DPP6: variants seen among roughly 807,000 people sequenced by gnomAD.
The protein encoded by DPP6 is dipeptidyl peptidase like 6, also known as A-type potassium channel modulatory protein DPP6.
In DPP6, 69 loss-of-function variants were observed where a neutral mutation model predicts 122.6. The observed-to-expected ratio is 0.56, with a 90% CI of 0.46 to 0.69. DPP6 has a LOEUF of 0.69. Ranked by LOEUF, DPP6 falls within the 30% of genes least tolerant of loss-of-function variation. The pLI, the probability that DPP6 is intolerant of heterozygous loss-of-function variation, is 0.00. For synonymous variants in DPP6, 418 were observed against 433.1 expected, an observed-to-expected ratio of 0.97 and a Z score of 0.43; for missense variants, 928 against 1,116.9, an observed-to-expected ratio of 0.83 and a Z score of 2.41.
chr7:153,840,793 C>A, the DPP6 span, among the ~76,000 whole-genome samples: 5 of 152,184 alleles, frequency 3.3e-5, no homozygotes, highest in African/African-American at 1.2e-4. Flanking sequence ...AGTAACTGTT[C>A]ATCAAAAGGA....
intron 19 of DPP6, among the ~76,000 whole-genome samples, chr7:154,873,055 G>A (rs1367327767): frequency 6.6e-6 from 1 of 152,230 alleles, no homozygotes; most frequent in Non-Finnish European, 1.5e-5. Flanking sequence ...CCTGGGACCC[G>A]CACCCTGAGC....
chr7:154,729,666 G>GC (rs1842239807), intron 8 of DPP6, among the ~76,000 whole-genome samples: 1 of 152,130 alleles, frequency 6.6e-6, no homozygotes, highest in South Asian at 2.1e-4. Context: ...GGGCTAAGCA[G>GC]CCCATTCTCT....
intron 1 of DPP6, among the ~76,000 whole-genome samples, chr7:153,957,203 G>T (rs1802501370): frequency 1.3e-5 from 2 of 152,294 alleles, no homozygotes; most frequent in African/African-American, 4.8e-5. Flanking sequence ...TGGGTGTGGG[G>T]TTCAGGGTAC....
chr7:154,323,206 C>T (rs984007236), intron 1 of DPP6, among the ~76,000 whole-genome samples: 1 of 152,014 alleles, frequency 6.6e-6, no homozygotes, highest in South Asian at 2.1e-4. Context: ...GGATATTGTT[C>T]ATTTCCGAGA....
intron 8 of DPP6, among the ~76,000 whole-genome samples, chr7:154,747,414 C>T (rs1303040850): frequency 1.3e-5 from 2 of 152,194 alleles, no homozygotes; most frequent in East Asian, 3.8e-4. Context: ...TGAAGTCTAA[C>T]ACCCCTGGCT....
chr7:154,019,859 A>T (rs1470503534), intron 1 of DPP6, among the ~76,000 whole-genome samples: 1 of 152,212 alleles, frequency 6.6e-6, no homozygotes, highest in African/African-American at 2.4e-5. Context: ...TGTTCTATTA[A>T]GTGCAGTTTT....
At chr7:154,706,913 G>C (rs1256629605) in intron 7 of DPP6, among the ~76,000 whole-genome samples, 1 of 152,110 alleles carries the variant, frequency 6.6e-6, no homozygotes, top group Non-Finnish European at 1.5e-5. Flanking sequence ...AGTGGTGTTG[G>C]GGCTTTTCAT....
chr7:154,203,284 A>C (rs917476853), intron 1 of DPP6, among the ~76,000 whole-genome samples: 8 of 152,160 alleles, frequency 5.3e-5, no homozygotes, highest in Non-Finnish European at 1.2e-4. Flanking sequence ...ATACGGAAAC[A>C]ATGATCCCAT....
intron 6 of DPP6, among the ~76,000 whole-genome samples, chr7:154,668,449 T>A (rs976324152): frequency 6.6e-6 from 1 of 151,548 alleles, no homozygotes. Context: ...CTCGATCTCC[T>A]GACCTCGTGA....
rs902823458 is a variant in DPP6 at position 153,891,436 on chromosome 7, T to G, written c.51+3702T>G. Among the ~76,000 whole-genome samples the G allele has an allele frequency of 5.3e-5, 8 of 151,888 alleles. No homozygotes were observed. In the Admixed American group the frequency reaches 5.3e-4, roughly 10 times the overall value. ...ATCTGTAATTTAATATACTAAGAGA[T>G]AAATATTTTTTACTTGCTCGAAACA... On this transcript the variant is annotated intron_variant, in intron 1 of 25. Transcript: ENST00000404039.
chr7:154,007,617 C>T (rs1233942943), intron 1 of DPP6, among the ~76,000 whole-genome samples: 2 of 152,148 alleles, frequency 1.3e-5, no homozygotes, highest in African/African-American at 4.8e-5. Flanking sequence ...TGTTTGAGGT[C>T]ACATAATTAG....
At chr7:154,421,315 CTTTT>C (rs35388071) in intron 1 of DPP6, among the ~76,000 whole-genome samples, 1 of 140,802 alleles carries the variant, frequency 7.1e-6, no homozygotes, top group Admixed American at 7.1e-5. Context: ...ATGTCAGTTT[CTTTT>C]TTTTTTTTTT....
At chr7:154,170,555 T>C (rs62484076) in intron 1 of DPP6, among the ~76,000 whole-genome samples, 4 of 152,320 alleles carry the variant, frequency 2.6e-5, no homozygotes, top group Admixed American at 6.5e-5. Flanking sequence ...ATGTCAGGCC[T>C]GAATAGAGGT....
intron 1 of DPP6, among the ~76,000 whole-genome samples, chr7:154,224,424 G>A (rs1333605780): frequency 6.7e-6 from 1 of 149,102 alleles, no homozygotes; most frequent in Non-Finnish European, 1.5e-5. Context: ...AAGGATGACT[G>A]CTAAGTTCTG....
rs747759258 is a variant in DPP6 at position 154,772,921 on chromosome 7, C to T, written c.1115C>T (p.Pro372Leu). 8.1e-6 allele frequency: 13 copies of T among 1,608,568 alleles called. No individual in the cohort carries two copies. Among genetic ancestry groups the T allele is most frequent in the Middle Eastern group, 1.7e-4 (1 of 6,028 alleles). Residue 372 changes from proline (P) to leucine (L), a missense_variant, in exon 10 of 26, where the codon CCG becomes CTG. Physicochemically the swap from Pro to Leu is moderately conservative, Grantham distance 98. Transcript: ENST00000377770. ...CCCACCCATGATCTGGAGATGATGC[C>T]GCCTGATGATCCACGGATGAGGTTT... ...NGPTHDLEMM[P>L]PDDPRMREYY...
intron 1 of DPP6, chr7:154,095,259 G>T (rs2150558959): frequency 6.8e-6 from 1 of 147,380 alleles, no homozygotes; most frequent in South Asian, 2.3e-4. Context: ...CACCTGCCTG[G>T]ACCCAGGTTC....
At chr7:154,873,828 A>G (rs1176347619) in intron 19 of DPP6, among the ~76,000 whole-genome samples, 6 of 117,284 alleles carry the variant, frequency 5.1e-5, no homozygotes, top group East Asian at 3.6e-4. Context: ...ACACACGCAT[A>G]CATAAACACA....
the DPP6 span, among the ~76,000 whole-genome samples, chr7:153,769,262 T>C: frequency 6.6e-6 from 1 of 152,246 alleles, no homozygotes; most frequent in Non-Finnish European, 1.5e-5. Context: ...TTTCTTATGT[T>C]CTTTATATTG....
At chr7:153,967,546 A>ACGAG (rs1795815230) in intron 1 of DPP6, among the ~76,000 whole-genome samples, 1 of 152,180 alleles carries the variant, frequency 6.6e-6, no homozygotes, top group African/African-American at 2.4e-5. Flanking sequence ...TGCTGTGACT[A>ACGAG]GTCCATTAGC....
Sources: allele counts gnomAD v4.1 joint callset (sites outside exome capture counted in the v4.1 genomes callset), GRCh38; gene constraint gnomAD v4.1.1; transcripts MANE v1.5; gene names NCBI Gene and HGNC (gene_info 2026-07-23, HGNC 2026-07-21).